The following ADGRB3 variants were observed in gnomAD, a reference collection of about 807,000 sequenced individuals.
The protein encoded by ADGRB3 is brain-specific angiogenesis inhibitor 3.
Under a neutral mutation model 193.4 loss-of-function variants are expected in ADGRB3, and 37 were observed. The ratio of observed to expected loss-of-function variants is 0.19; its 90% CI spans 0.15 to 0.25. The LOEUF is 0.25. Ranked by LOEUF, ADGRB3 falls within the 10% of genes least tolerant of loss-of-function variation. The pLI, the probability that ADGRB3 is intolerant of heterozygous loss-of-function variation, is 1.00. For synonymous variants in ADGRB3, 690 were observed against 644.2 expected (o/e 1.07, Z -1.08); for missense variants, 1,637 against 1,852.9 (o/e 0.88, Z 2.14).
chr6:69,379,633 C>G (rs377275092), intron 30 of ADGRB3, among the ~76,000 whole-genome samples: 95 of 152,044 alleles, frequency 6.2e-4, no homozygotes, highest in African/African-American at 2.2e-3. Context: ...AAAGGCTGGA[C>G]GATCTACTTG....
At chr6:68,946,653 G>A (rs1647572812) in intron 6 of ADGRB3, among the ~76,000 whole-genome samples, 1 of 152,090 alleles carries the variant, frequency 6.6e-6, no homozygotes, top group Admixed American at 6.6e-5. Flanking sequence ...GACAAGAGGA[G>A]GACAGAAGAA....
At chr6:69,306,613 G>T (rs1274935267) in intron 20 of ADGRB3, among the ~76,000 whole-genome samples, 1 of 151,480 alleles carries the variant, frequency 6.6e-6, no homozygotes, top group Non-Finnish European at 1.5e-5. Context: ...TTACTCATTT[G>T]CTTAGCAAGT....
chr6:69,331,942 G>A, intron 23 of ADGRB3: 21 of 985,300 alleles, frequency 2.1e-5, no homozygotes, highest in Non-Finnish European at 2.5e-5. Flanking sequence ...CTCTTCCTAA[G>A]TCCATACTTA....
intron 3 of ADGRB3, among the ~76,000 whole-genome samples, chr6:68,721,627 A>AATATATATATATATATATAT (rs71852236): frequency 4.3e-5 from 6 of 140,264 alleles, no homozygotes; most frequent in African/African-American, 1.6e-4. Flanking sequence ...AAGTATAATA[A>AATATATATATATATATATAT]ATATATATAT....
chr6:68,761,707 C>T (rs1464714305), intron 3 of ADGRB3, among the ~76,000 whole-genome samples: 4 of 151,428 alleles, frequency 2.6e-5, no homozygotes, highest in African/African-American at 9.8e-5. Flanking sequence ...GTTGTTGTTT[C>T]AAACTTGTTT....
chr6:69,052,432 G>T (rs371499044), intron 15 of ADGRB3, among the ~76,000 whole-genome samples: 2 of 152,158 alleles, frequency 1.3e-5, no homozygotes, highest in African/African-American at 2.4e-5. Flanking sequence ...TATATTCCTT[G>T]TTGAGGATTT....
intron 17 of ADGRB3, among the ~76,000 whole-genome samples, chr6:69,110,327 C>A (rs892337624): frequency 1.3e-5 from 2 of 151,978 alleles, no homozygotes; most frequent in Non-Finnish European, 2.9e-5. Context: ...TTAAAATATT[C>A]CATGTGCTGA....
At chr6:69,338,408 G>GA (rs1190244743) in intron 24 of ADGRB3, among the ~76,000 whole-genome samples, 1 of 152,044 alleles carries the variant, frequency 6.6e-6, no homozygotes, top group Non-Finnish European at 1.5e-5. Flanking sequence ...AATCTGTTGA[G>GA]AAAAAAATTA....
chr6:68,790,121 G>C (rs550555418), intron 3 of ADGRB3, among the ~76,000 whole-genome samples: 1 of 152,090 alleles, frequency 6.6e-6, no homozygotes, highest in African/African-American at 2.4e-5. Flanking sequence ...GCTCAGAGTA[G>C]TTTGATCATC....
rs763604027 is a variant in ADGRB3 at position 69,369,096 on chromosome 6, T to A, written c.4240-3310T>A. On this transcript the variant is annotated intron_variant, in intron 29 of 31. Transcript: ENST00000370598. ...GCTTATATTAAATTTACATGTAGCA[T>A]TTTTAAAAGTTATCAGATTATCAGA... Among the ~76,000 whole-genome samples the A allele has an allele frequency of 9.6e-4, 146 of 152,266 alleles. 1 individual carries two copies. Among genetic ancestry groups the A allele is most frequent in the Admixed American group, 1.4e-3 (22 of 15,280 alleles).
chr6:69,133,868 C>T (rs1340766999), intron 17 of ADGRB3, among the ~76,000 whole-genome samples: 4 of 151,952 alleles, frequency 2.6e-5, no homozygotes. Flanking sequence ...CTCCAAAGTC[C>T]ACCATATCAT....
At chr6:69,227,166 A>G (rs1766035833) in intron 17 of ADGRB3, among the ~76,000 whole-genome samples, 2 of 152,168 alleles carry the variant, frequency 1.3e-5, no homozygotes, top group South Asian at 4.1e-4. Context: ...AATATTTTTG[A>G]AGAGTGCATT....
chr6:69,097,474 A>G (rs1180766509), intron 17 of ADGRB3, among the ~76,000 whole-genome samples: 1 of 152,198 alleles, frequency 6.6e-6, no homozygotes, highest in East Asian at 1.9e-4. Context: ...TACAAATGCA[A>G]TATATCTAAC....
intron 3 of ADGRB3, among the ~76,000 whole-genome samples, chr6:68,887,072 C>T (rs10455222): frequency 0.66 from 82,770 of 125,554 alleles, 23,871 homozygotes; most frequent in Middle Eastern, 0.76. Context: ...TATATATATA[C>T]ACACACACAC....
At chr6:68,733,244 A>AATAT (rs961670378) in intron 3 of ADGRB3, among the ~76,000 whole-genome samples, 7 of 147,616 alleles carry the variant, frequency 4.7e-5, no homozygotes, top group African/African-American at 1.7e-4. Flanking sequence ...ATATATATAA[A>AATAT]ATATATATAT....
At chr6:68,882,688 G>A (rs534042129) in intron 3 of ADGRB3, among the ~76,000 whole-genome samples, 3 of 151,984 alleles carry the variant, frequency 2.0e-5, no homozygotes, top group Non-Finnish European at 4.4e-5. Context: ...AATCATAACT[G>A]ATACCAATTA....
At chr6:69,255,763 A>C (rs1456751727) in intron 20 of ADGRB3, among the ~76,000 whole-genome samples, 1 of 152,204 alleles carries the variant, frequency 6.6e-6, no homozygotes, top group Non-Finnish European at 1.5e-5. Context: ...TGTTTTAGAC[A>C]TGAAGTCCTT....
intron 20 of ADGRB3, among the ~76,000 whole-genome samples, chr6:69,318,256 A>G (rs1768361741): frequency 6.6e-6 from 1 of 151,488 alleles, no homozygotes; most frequent in Non-Finnish European, 1.5e-5. Flanking sequence ...TCACTTCAAT[A>G]TATAATTTCC....
chr6:68,814,836 G>A (rs1297318054), intron 3 of ADGRB3, among the ~76,000 whole-genome samples: 11 of 152,194 alleles, frequency 7.2e-5, no homozygotes, highest in African/African-American at 2.2e-4. Context: ...TTCAACATAC[G>A]AAAATCAATA....
Sources: gnomAD v4.1 joint callset for allele counts (sites outside exome capture counted in the v4.1 genomes callset) on GRCh38, gnomAD v4.1.1 for gene constraint, MANE v1.5 for transcripts, NCBI Gene and HGNC (gene_info 2026-07-23, HGNC 2026-07-21) for gene names.